The following STK32B variants were observed in gnomAD, a reference collection of about 807,000 sequenced individuals.
The protein encoded by STK32B is serine/threonine-protein kinase 32B.
A neutral mutation model predicts 52.6 loss-of-function variants in STK32B; 43 were observed. The ratio of observed to expected loss-of-function variants is 0.82; its 90% confidence interval spans 0.64 to 1.05. The LOEUF is 1.05. STK32B is among the 50% of genes least tolerant of loss of function. The pLI, the probability that STK32B is intolerant of heterozygous loss-of-function variation, is 0.00. For missense variants in STK32B, 621 were observed against 534.6 expected, an observed-to-expected ratio of 1.16 and a Z score of -1.59; for synonymous variants, 238 against 204.3, an observed-to-expected ratio of 1.17 and a Z score of -1.41.
At chr4:5,162,089 A>C (rs1240865744) in intron 2 of STK32B, among the ~76,000 whole-genome samples, 2 of 152,116 alleles carry the variant, frequency 1.3e-5, no homozygotes, top group Non-Finnish European at 2.9e-5. Context: ...GCCCAGGCTC[A>C]CTATGAAAGG....
chr4:5,308,680 C>T (rs77561775), intron 3 of STK32B, among the ~76,000 whole-genome samples: 16,448 of 152,054 alleles, frequency 0.11, 1,064 homozygotes, highest in African/African-American at 0.19. Context: ...ATCCAGAGCA[C>T]CTAAACCAGT....
chr4:5,223,989 C>T (rs917947218), intron 3 of STK32B, among the ~76,000 whole-genome samples: 5 of 152,044 alleles, frequency 3.3e-5, no homozygotes, highest in East Asian at 3.9e-4. Flanking sequence ...TTTGTAAGCA[C>T]ATAACTTGTT....
intron 6 of STK32B, among the ~76,000 whole-genome samples, chr4:5,429,045 G>T (rs1308411790): frequency 6.6e-6 from 1 of 152,164 alleles, no homozygotes. Flanking sequence ...CTCCACCATG[G>T]CTGATTTCAA....
In STK32B at chr4:5,168,201, T is replaced by A. The variant is rs1201697577; in HGVS notation, c.109-98T>A. 2.7e-6 allele frequency: 4 copies of A among 1,466,130 alleles called. No homozygotes were observed. In the African/African-American group the frequency reaches 4.2e-5, roughly 15 times the overall value. The allele number at this position is 1,466,130 out of a possible 1,614,324, so 90.8% of individuals were successfully genotyped here. On this transcript the variant is annotated intron_variant, in intron 2 of 11. Transcript: ENST00000282908. Reference sequence around the variant, plus strand: ...CTAGCAGATTTCAAGAACAGGGACGTGAATCCAGAAGTAAAAATGCAGTGC... The same window carrying A: ...CTAGCAGATTTCAAGAACAGGGACGAGAATCCAGAAGTAAAAATGCAGTGC...
At chr4:5,291,982 G>A (rs1174524566) in intron 3 of STK32B, among the ~76,000 whole-genome samples, 4 of 152,110 alleles carry the variant, frequency 2.6e-5, no homozygotes, top group Non-Finnish European at 5.9e-5. Context: ...TACCCAATAA[G>A]TAGTTTTACC....
At chr4:5,438,847 G>T (rs1034346151) in intron 6 of STK32B, among the ~76,000 whole-genome samples, 1 of 152,014 alleles carries the variant, frequency 6.6e-6, no homozygotes, top group South Asian at 2.1e-4. Context: ...GTGACAATAT[G>T]CGGTGTTTGG....
At chr4:5,445,612 C>G (rs1715329853) in intron 6 of STK32B, among the ~76,000 whole-genome samples, 1 of 152,122 alleles carries the variant, frequency 6.6e-6, no homozygotes, top group South Asian at 2.1e-4. Context: ...GAATAAGGGT[C>G]CACCACTCTT....
intron 4 of STK32B, among the ~76,000 whole-genome samples, chr4:5,374,886 G>C (rs575365961): frequency 3.3e-5 from 5 of 152,192 alleles, no homozygotes. Flanking sequence ...CCTGCCAAGG[G>C]TGCCTGACAA....
chr4:5,331,048 T>G (rs1732208634), intron 3 of STK32B, among the ~76,000 whole-genome samples, 172 bp from the exon 4 acceptor site: 1 of 152,108 alleles, frequency 6.6e-6, no homozygotes. Context: ...GGAGGCAGCC[T>G]GAGGATTGAA....
chr4:5,059,100 G>T (rs900568489), intron 1 of STK32B, among the ~76,000 whole-genome samples: 41 of 122,936 alleles, frequency 3.3e-4, no homozygotes, highest in Admixed American at 9.7e-5. Context: ...GAGGTTTTGG[G>T]GTCTGTTGCC....
chr4:5,359,379 C>T (rs1249906272), intron 4 of STK32B, among the ~76,000 whole-genome samples: 1 of 86,882 alleles, frequency 1.2e-5, no homozygotes, highest in East Asian at 2.8e-4. Context: ...ACTCATCCAA[C>T]CCTCCCTCCC....
intron 4 of STK32B, among the ~76,000 whole-genome samples, chr4:5,385,957 CCACAGCCCCCA>C (rs1191033084): frequency 1.7e-4 from 24 of 138,438 alleles, no homozygotes; most frequent in African/African-American, 5.8e-4. Flanking sequence ...ACAGCTCCAC[CCACAGCCCCCA>C]CTCACAGCTC....
chr4:5,216,107 G>A (rs1036468585), intron 3 of STK32B, among the ~76,000 whole-genome samples: 1 of 152,156 alleles, frequency 6.6e-6, no homozygotes, highest in African/African-American at 2.4e-5. Context: ...TCAAACCTCA[G>A]TGTGCATGAG....
chr4:5,258,670 G>A (rs527668615), intron 3 of STK32B, among the ~76,000 whole-genome samples: 2 of 152,224 alleles, frequency 1.3e-5, no homozygotes, highest in South Asian at 4.2e-4. Context: ...TCACTTCTCA[G>A]CATCTCCCCA....
At chr4:5,104,412 G>T (rs1440783090) in intron 1 of STK32B, among the ~76,000 whole-genome samples, 5 of 152,138 alleles carry the variant, frequency 3.3e-5, no homozygotes, top group Non-Finnish European at 7.3e-5. Context: ...CCGGTCTCAG[G>T]TGTCTTTATT....
Position 5,459,458 on chromosome 4 carries a change from G to A in STK32B, c.784-645G>A, listed in dbSNP as rs558165844. ...GTCACAGCTGTTAAATGACAGTCCCGGGGCCAGGCCTCTGTCTTTTCATTC... is the reference window on the plus strand; with the variant it reads ...GTCACAGCTGTTAAATGACAGTCCCAGGGCCAGGCCTCTGTCTTTTCATTC... On this transcript the variant is annotated intron_variant, in intron 8 of 11. Coordinates refer to ENST00000282908, the MANE Select transcript of STK32B (RefSeq NM_018401.3). Among the ~76,000 whole-genome samples, 8 of 152,306 alleles carry A rather than the reference G, an allele frequency of 5.3e-5. No homozygotes were observed. In the South Asian group the frequency reaches 1.0e-3, roughly 20 times the overall value.
chr4:5,160,533 C>T (rs1222659345), intron 2 of STK32B, among the ~76,000 whole-genome samples: 1 of 152,052 alleles, frequency 6.6e-6, no homozygotes, highest in Admixed American at 6.5e-5. Flanking sequence ...CAGGTGCTAC[C>T]TTTTCCGGAT....
intron 3 of STK32B, among the ~76,000 whole-genome samples, chr4:5,227,468 T>G (rs954543157): frequency 6.6e-6 from 1 of 152,248 alleles, no homozygotes; most frequent in Non-Finnish European, 1.5e-5. Context: ...TCGGAAAATC[T>G]TTAAATAATT....
At chr4:5,023,416 T>A in the STK32B span, among the ~76,000 whole-genome samples, 1 of 152,224 alleles carries the variant, frequency 6.6e-6, no homozygotes, top group Admixed American at 6.5e-5. Context: ...GTCCAGAGTC[T>A]GCTTGCATAC....
Sources: allele counts gnomAD v4.1 joint callset (sites outside exome capture counted in the v4.1 genomes callset), GRCh38; gene constraint gnomAD v4.1.1; transcripts MANE v1.5; gene names NCBI Gene and HGNC (gene_info 2026-07-23, HGNC 2026-07-21).